EIF2AK1: variants seen among roughly 807,000 people sequenced by gnomAD.
The protein encoded by EIF2AK1 is eukaryotic translation initiation factor 2-alpha kinase 1.
In EIF2AK1, 54 loss-of-function variants were observed where a neutral mutation model predicts 77.9. The observed-to-expected ratio is 0.69, with a 90% CI of 0.56 to 0.87. The LOEUF (loss-of-function observed/expected upper bound fraction) is 0.87, where lower values mean the gene tolerates loss of function less well. Ranked by LOEUF, EIF2AK1 falls within the 40% of genes least tolerant of loss-of-function variation. The pLI is 0.00. For missense variants in EIF2AK1, 810 were observed against 768.6 expected, an observed-to-expected ratio of 1.05 and a Z score of -0.64; for synonymous variants, 314 against 290.5, an observed-to-expected ratio of 1.08 and a Z score of -0.82.
rs1344986187 is a variant in EIF2AK1 at position 6,045,961 on chromosome 7, G to C, written c.630+110C>G. ...ACTATAACCCCATTCCTAGTAAACT[G>C]GAAATCCACACCGCCTACTTTTGCC... On this transcript the variant is annotated intron_variant, in intron 6 of 14. Transcript: ENST00000199389. The C allele has an allele frequency of 4.2e-5, 25 of 597,752 alleles. No individual in the cohort carries two copies. In the South Asian group the frequency reaches 5.1e-4, roughly 12 times the overall value. The allele number at this position is 597,752 out of a possible 1,614,324, so 37.0% of individuals were successfully genotyped here.
chr7:6,050,056 A>C lies in EIF2AK1; in HGVS notation c.278-11T>G. Reference sequence around the variant, plus strand: ...ACGTCTGGCAAAGTACTATAAAAAGAATATGAAAAACTATTATTAGAAACA... The same window carrying C: ...ACGTCTGGCAAAGTACTATAAAAAGCATATGAAAAACTATTATTAGAAACA... On this transcript the variant is annotated splice_polypyrimidine_tract_variant and intron_variant, in intron 2 of 14. Coordinates refer to ENST00000199389, the MANE Select transcript of EIF2AK1 (RefSeq NM_014413.4). 6.3e-7 allele frequency: 1 copy of C among 1,590,014 alleles called. No homozygotes were observed. The highest frequency in any genetic ancestry group is 8.5e-7 in the Non-Finnish European group (1 of 1,171,968).
At chr7:6,039,621 CAA>C (rs767158374) in intron 9 of EIF2AK1, among the ~76,000 whole-genome samples, 4,751 of 48,646 alleles carry the variant, frequency 0.098, 181 homozygotes, top group East Asian at 0.39. Context: ...ACTCCATCTC[CAA>C]AAAAAAAAAA....
At chr7:6,031,564 C>T (rs766037910) in intron 11 of EIF2AK1, 70 of 1,550,766 alleles carry the variant, frequency 4.5e-5, no homozygotes, top group Middle Eastern at 1.7e-4. Flanking sequence ...TGCCCAACTC[C>T]GCCAGCAACA....
Position 6,024,735 on chromosome 7 carries a change from G to C in EIF2AK1, c.1831C>G (p.Leu611Val). The C allele has an allele frequency of 6.2e-7, 1 of 1,604,904 alleles. No homozygotes were observed. Among genetic ancestry groups the C allele is most frequent in the Non-Finnish European group, 8.5e-7 (1 of 1,177,332 alleles). ...CCTTTGTCTTGAGAAAGGAGGTTTA[G>C]CTGCTTCTTTAGTTCTGCAATTTCT... ...EKEIAELKKQ[L>V]NLLSQDKGVR... is the part of the protein sequence containing the mutation. The change falls in exon 15 of 15, where the codon CTA becomes GTA. Residue 611 changes from leucine to valine, a missense_variant. This residue lies in a region of EIF2AK1 where 549 missense variants were observed against 533.7 expected (regional missense o/e 1.03). Coordinates refer to ENST00000199389, the MANE Select transcript of EIF2AK1 (RefSeq NM_014413.4).
intron 9 of EIF2AK1, among the ~76,000 whole-genome samples, chr7:6,040,157 A>T (rs1295552592): frequency 6.6e-6 from 1 of 151,794 alleles, no homozygotes; most frequent in Admixed American, 6.6e-5. Context: ...GGTTCAAGCG[A>T]TTCTCCTGCC....
At position 6,035,751 on chromosome 7, in the gene EIF2AK1, G is replaced by T; in HGVS notation, c.1332+1673C>A. On this transcript the variant is annotated intron_variant, in intron 11 of 14. Transcript: ENST00000199389. This position sits in a 1 kb window ranked among gnomAD's most constrained non-coding sequence, Gnocchi z 5.5. Reference sequence around the variant, plus strand: ...AGCCAGCATGACACCCCTTCACATGGCCGCAAACATGCTGAATAAGGAGAT... The same window carrying T: ...AGCCAGCATGACACCCCTTCACATGTCCGCAAACATGCTGAATAAGGAGAT... The T allele has an allele frequency of 6.4e-7, 1 of 1,551,062 alleles. No homozygotes were observed. The highest frequency in any genetic ancestry group is 8.7e-7 in the Non-Finnish European group (1 of 1,147,130).
intron 6 of EIF2AK1, among the ~76,000 whole-genome samples, 198 bp from the exon 7 acceptor site, chr7:6,044,859 T>C (rs1352168684): frequency 1.3e-5 from 2 of 152,208 alleles, no homozygotes; most frequent in African/African-American, 4.8e-5. Context: ...TGGTATTTTA[T>C]TATAAAATAT....
intron 1 of EIF2AK1, among the ~76,000 whole-genome samples, chr7:6,056,672 A>G (rs1319190790): frequency 5.6e-5 from 8 of 142,280 alleles, no homozygotes; most frequent in Non-Finnish European, 1.2e-4. Flanking sequence ...CTTTGGAAGA[A>G]AAGGCCATAT....
At position 6,035,275 on chromosome 7, in the gene EIF2AK1, C is replaced by A. The variant is rs948498598; in HGVS notation, c.1332+2149G>T. On this transcript the variant is annotated intron_variant, in intron 11 of 14. Coordinates refer to ENST00000199389, the MANE Select transcript of EIF2AK1 (RefSeq NM_014413.4). The surrounding 1 kb of genome is among the most constrained non-coding windows in gnomAD (Gnocchi z 5.5). ...GCATCCCACCACATCCCACGAAAAA[C>A]CCTGGGATAGCCTGAGAAACTACCC... 4.6e-5 allele frequency among the ~76,000 whole-genome samples: 7 copies of A among 152,152 alleles called. No homozygotes were observed. The highest frequency in any genetic ancestry group is 8.8e-5 in the Non-Finnish European group (6 of 68,034).
At chr7:6,045,372 C>T (rs1239202621) in intron 6 of EIF2AK1, among the ~76,000 whole-genome samples, 1 of 152,108 alleles carries the variant, frequency 6.6e-6, no homozygotes, top group Non-Finnish European at 1.5e-5. Context: ...TCCCAAAGTG[C>T]TGGGATTACA....
intron 8 of EIF2AK1, among the ~76,000 whole-genome samples, chr7:6,042,722 T>C (rs111889221): frequency 9.9e-5 from 15 of 151,996 alleles, no homozygotes; most frequent in African/African-American, 3.6e-4. Flanking sequence ...AAAAACTAGC[T>C]GGGTGTGGTG....
At chr7:6,051,354 C>G (rs117422034) in intron 2 of EIF2AK1, among the ~76,000 whole-genome samples, 1 of 151,664 alleles carries the variant, frequency 6.6e-6, no homozygotes, top group Non-Finnish European at 1.5e-5. Context: ...TCACTGCAAC[C>G]TCCATCTCCA....
At position 6,046,162 on chromosome 7, in the gene EIF2AK1, G is replaced by GA. The variant is rs773250677; in HGVS notation, c.550-12dup. The GA allele has an allele frequency of 2.7e-5, 38 of 1,431,894 alleles. No individual in the cohort carries two copies. The highest frequency in any genetic ancestry group is 3.5e-5 in the Non-Finnish European group (37 of 1,054,898). 88.7% of individuals were successfully genotyped at this position (1,431,894 alleles called of 1,614,324 possible). On this transcript the variant is annotated splice_polypyrimidine_tract_variant and intron_variant, in intron 5 of 14. Transcript: ENST00000199389. ...TAATTTATTCCTGACCTGAAAAGTA[G>GA]AAAAAAAGACAAAGTATATTGTGTC...
chr7:6,043,275 C>T (rs10224611), intron 7 of EIF2AK1, among the ~76,000 whole-genome samples: 30,726 of 152,010 alleles, frequency 0.2, 3,988 homozygotes, highest in African/African-American at 0.37. Flanking sequence ...CTGAACAATT[C>T]TGTTATGGTA....
At chr7:6,053,463 A>G (rs1301980794) in intron 2 of EIF2AK1, among the ~76,000 whole-genome samples, 1 of 148,768 alleles carries the variant, frequency 6.7e-6, no homozygotes, top group African/African-American at 2.5e-5. Flanking sequence ...CCAGGTTCAA[A>G]TGATTTTCCA....
chr7:6,046,016 TC>T (rs1156672833), intron 6 of EIF2AK1, 54 bp downstream of exon 6: 3 of 1,236,094 alleles, frequency 2.4e-6, no homozygotes, highest in African/African-American at 3.1e-5. Context: ...TATAACTCTT[TC>T]AAAAAGAACT....
chr7:6,059,150 C>G lies in EIF2AK1; in HGVS notation c.-67G>C. 9.1e-7 allele frequency: 1 copy of G among 1,101,594 alleles called. No individual in the cohort carries two copies. Among genetic ancestry groups the G allele is most frequent in the South Asian group, 2.2e-5 (1 of 45,296 alleles). 68.2% of individuals were successfully genotyped at this position (1,101,594 alleles called of 1,614,324 possible). A position where few individuals can be genotyped will look rare whatever the true frequency, so the allele number is the denominator to read the frequency against. ...CCAGCACTGCCACACTCCGATGCTG[C>G]AGCTAGCGCCGTCCGACCCGGAAGT... is the stretch of plus-strand genomic sequence containing the variant. On this transcript the variant is annotated 5_prime_UTR_variant, in exon 1 of 15. Coordinates refer to ENST00000199389, the MANE Select transcript of EIF2AK1 (RefSeq NM_014413.4).
Position 6,030,154 on chromosome 7 carries a change from G to A in EIF2AK1, c.1333-1122C>T, listed in dbSNP as rs565399509. On this transcript the variant is annotated intron_variant, in intron 11 of 14. Coordinates refer to ENST00000199389, the MANE Select transcript of EIF2AK1 (RefSeq NM_014413.4). ...ATCCACCTGGAAGATCACAATAAGTGAACAGGATGTAGAGGAGTCAGCCCA... is the reference window on the plus strand; with the variant it reads ...ATCCACCTGGAAGATCACAATAAGTAAACAGGATGTAGAGGAGTCAGCCCA... Among the ~76,000 whole-genome samples, 266 of 152,270 alleles carry A rather than the reference G, an allele frequency of 1.7e-3. 2 individuals are homozygous for A. Among genetic ancestry groups the A allele is most frequent in the South Asian group, 4.1e-3 (20 of 4,832 alleles).
chr7:6,048,151 A>T (rs1424752663), intron 4 of EIF2AK1: 2 of 152,224 alleles, frequency 1.3e-5, no homozygotes, highest in African/African-American at 2.4e-5. Flanking sequence ...TTTTTAGTAC[A>T]TAAAGTTGTG....
Sources: gnomAD v4.1 joint callset for allele counts (sites outside exome capture counted in the v4.1 genomes callset) on GRCh38, gnomAD v4.1.1 for gene constraint, gnomAD v4.1.1 regional missense constraint, Gnocchi (gnomAD v3.1) non-coding constraint, MANE v1.5 for transcripts, NCBI Gene and HGNC (gene_info 2026-07-23, HGNC 2026-07-21) for gene names.